The following CNIH1 variants were observed in gnomAD, a reference collection of about 807,000 sequenced individuals.
CNIH1 encodes cornichon family member 1.
In CNIH1, 12 loss-of-function variants were observed where a neutral mutation model predicts 20.2. The ratio of observed to expected loss-of-function variants is 0.59; its 90% CI spans 0.38 to 0.96. The LOEUF (loss-of-function observed/expected upper bound fraction) is 0.96, where lower values mean the gene tolerates loss of function less well. Among genes scored for constraint, CNIH1 ranks in the 40% least tolerant of loss-of-function variants. The probability of loss-of-function intolerance (pLI) is 0.00; values close to 1 mark genes in which losing one functional copy is unlikely to be tolerated. For synonymous variants in CNIH1, 69 were observed against 63.3 expected, an observed-to-expected ratio of 1.09 and a Z score of -0.43; for missense variants, 152 against 178.8, an observed-to-expected ratio of 0.85 and a Z score of 0.85.
In CNIH1 at chr14:54,427,133, A is replaced by C. The variant is rs1315857337; in HGVS notation, c.*681T>G. ...AAAAACACATTTAAAATAGCTTTAA[A>C]TGCATTCTTCACAAGTAATTCAGCA... On this transcript the variant is annotated 3_prime_UTR_variant, in exon 5 of 5. Transcript: ENST00000216416. 3 of 152,224 alleles carry C rather than the reference A, an allele frequency of 2.0e-5. No homozygotes were observed. Among genetic ancestry groups the C allele is most frequent in the Non-Finnish European group, 2.9e-5 (2 of 68,026 alleles). The allele number at this position is 152,224 out of a possible 1,614,324, so 9.4% of individuals were successfully genotyped here.
rs769530671 is a variant in CNIH1, at chr14:54,432,199, T to C, written c.172A>G (p.Ile58Val). ...AACATGACACAGAAGAAAGCGTGGATGAGGTACTCTGGGAGTACAAGCTGG... is the reference window on the plus strand; with the variant it reads ...AACATGACACAGAAGAAAGCGTGGACGAGGTACTCTGGGAGTACAAGCTGG... Reference protein sequence around the residue: ...LNPLVLPEYLIHAFFCVMFLC... With the variant: ...LNPLVLPEYLVHAFFCVMFLC... The change falls in exon 3 of 5, where the codon ATC (isoleucine) becomes GTC (valine). Residue 58 changes from isoleucine to valine, a missense_variant. Physicochemically the swap from Ile to Val is conservative, Grantham distance 29 (BLOSUM62 3). This residue lies in a region of CNIH1 where 97 missense variants were observed against 100.6 expected (regional missense o/e 0.96). Transcript: ENST00000216416. 12 of 1,550,758 alleles carry C rather than the reference T, an allele frequency of 7.7e-6. No individual in the cohort carries two copies. Among genetic ancestry groups the C allele is most frequent in the Non-Finnish European group, 1.0e-5 (12 of 1,146,666 alleles).
chr14:54,436,139 A>G (rs1214079451), intron 2 of CNIH1: 2 of 703,640 alleles, frequency 2.8e-6, no homozygotes, highest in Admixed American at 2.0e-5. Flanking sequence ...TTGGCCGACA[A>G]TGTAAAAAGC....
intron 1 of CNIH1, among the ~76,000 whole-genome samples, chr14:54,437,978 GTTTTTT>G (rs368797544): frequency 1.4e-5 from 2 of 141,794 alleles, no homozygotes; most frequent in Admixed American, 7.1e-5. Context: ...GACTTCAAGG[GTTTTTT>G]TTTTTTTTTT....
Position 54,430,404 on chromosome 14 carries a change from C to A in CNIH1, c.264G>T (p.Arg88Ser), listed in dbSNP as rs1480637137. 3 of 1,612,664 alleles carry A rather than the reference C, an allele frequency of 1.9e-6. No individual in the cohort carries two copies. Among genetic ancestry groups the A allele is most frequent in the Non-Finnish European group, 2.5e-6 (3 of 1,179,432 alleles). The change falls in exon 4 of 5, where the codon AGG becomes AGT. Residue 88 changes from arginine to serine, a missense_variant and splice_region_variant. By Grantham distance (110) the Arg-to-Ser change is moderately radical. Coordinates refer to ENST00000216416, the MANE Select transcript of CNIH1 (RefSeq NM_005776.3). ...CACTCATCACTGGTCTACTCATATA[C>A]CTGGAATAAACACAGTCTATTAGGC... ...NMPLLAYHIW[R>S]YMSRPVMSGP...
At chr14:54,436,496 T>C in intron 1 of CNIH1, 59 bp from the exon 2 acceptor site, 1 of 851,746 alleles carries the variant, frequency 1.2e-6, no homozygotes. Context: ...GCAACAAACC[T>C]GCCCCATCTT....
At chr14:54,428,143 T>G (rs1169901901) in intron 4 of CNIH1, among the ~76,000 whole-genome samples, 2 of 151,920 alleles carry the variant, frequency 1.3e-5, no homozygotes, top group East Asian at 3.9e-4. Flanking sequence ...CACTCTGGAG[T>G]TGTGTCTAAT....
chr14:54,439,734 T>C (rs1198390849), intron 1 of CNIH1, among the ~76,000 whole-genome samples: 1 of 152,010 alleles, frequency 6.6e-6, no homozygotes, highest in Non-Finnish European at 1.5e-5. Context: ...GTATTTTTAG[T>C]AGAGACGGGG....
intron 3 of CNIH1, among the ~76,000 whole-genome samples, chr14:54,431,263 G>A (rs2030937889): frequency 6.6e-6 from 1 of 152,086 alleles, no homozygotes; most frequent in Admixed American, 6.5e-5. Flanking sequence ...AAGTAGCTGA[G>A]TTTATAGGCG....
intron 1 of CNIH1, among the ~76,000 whole-genome samples, chr14:54,438,563 G>A (rs766323748): frequency 1.3e-5 from 2 of 152,070 alleles, no homozygotes; most frequent in Non-Finnish European, 1.5e-5. Context: ...CTATGCTCCC[G>A]ACTCTATTCT....
rs1263676621 is a variant in CNIH1, at chr14:54,441,361, G to C, written c.-34C>G. The C allele has an allele frequency of 1.4e-6, 2 of 1,477,802 alleles. No homozygotes were observed. Among genetic ancestry groups the C allele is most frequent in the Non-Finnish European group, 9.1e-7 (1 of 1,103,630 alleles). 91.5% of individuals were successfully genotyped at this position (1,477,802 alleles called of 1,614,324 possible). Reference sequence around the variant, plus strand: ...AGGAGGAGCGGGGAGCGGCGCCGTTGCCAGCGGAGAAAGGCGGCGCAGGGC... The same window carrying C: ...AGGAGGAGCGGGGAGCGGCGCCGTTCCCAGCGGAGAAAGGCGGCGCAGGGC... On this transcript the variant is annotated 5_prime_UTR_variant, in exon 1 of 5. Transcript: ENST00000216416.
At chr14:54,432,822 G>A (rs976681142) in intron 2 of CNIH1, among the ~76,000 whole-genome samples, 6 of 152,136 alleles carry the variant, frequency 3.9e-5, no homozygotes, top group African/African-American at 1.2e-4. Flanking sequence ...TAAAAGATTC[G>A]CTTTCTGCAA....
intron 4 of CNIH1, among the ~76,000 whole-genome samples, chr14:54,428,571 A>C (rs2030871517): frequency 6.6e-6 from 1 of 152,244 alleles, no homozygotes; most frequent in African/African-American, 2.4e-5. Flanking sequence ...TATCCTGCTG[A>C]ACATTTTCCC....
rs576088801 is a variant in CNIH1 at position 54,423,635 on chromosome 14, G to A, written c.*4179C>T. The A allele has an allele frequency of 5.3e-5, 8 of 152,304 alleles. No individual in the cohort carries two copies. The highest frequency in any genetic ancestry group is 1.0e-4 in the Non-Finnish European group (7 of 68,026). The allele number at this position is 152,304 out of a possible 1,614,324, so 9.4% of individuals were successfully genotyped here. ...GAGTAAGGTAGGGCTACTTAAGGGCGTTTTCTGTGGACAGCGGACACAGCA... is the reference window on the plus strand; with the variant it reads ...GAGTAAGGTAGGGCTACTTAAGGGCATTTTCTGTGGACAGCGGACACAGCA... On this transcript the variant is annotated 3_prime_UTR_variant, in exon 5 of 5. Coordinates refer to ENST00000216416, the MANE Select transcript of CNIH1 (RefSeq NM_005776.3).
intron 1 of CNIH1, among the ~76,000 whole-genome samples, chr14:54,440,293 G>T (rs757266070): frequency 6.6e-6 from 1 of 152,162 alleles, no homozygotes; most frequent in Non-Finnish European, 1.5e-5. Context: ...TGGAATATGG[G>T]GAAAAGAGAA....
Position 54,423,826 on chromosome 14 carries a change from C to T in CNIH1, c.*3988G>A, listed in dbSNP as rs944861583. On this transcript the variant is annotated 3_prime_UTR_variant, in exon 5 of 5. Coordinates refer to ENST00000216416, the MANE Select transcript of CNIH1 (RefSeq NM_005776.3). ...ATGTAAATATTTCGAAAAAGCACTACACAATAAAATGAGACGCAATCCTTA... is the reference window on the plus strand; with the variant it reads ...ATGTAAATATTTCGAAAAAGCACTATACAATAAAATGAGACGCAATCCTTA... 2.6e-5 allele frequency: 4 copies of T among 152,162 alleles called. No homozygotes were observed. Among genetic ancestry groups the T allele is most frequent in the African/African-American group, 7.2e-5 (3 of 41,440 alleles). 9.4% of individuals were successfully genotyped at this position (152,162 alleles called of 1,614,324 possible).
At position 54,427,781 on chromosome 14, in the gene CNIH1, C is replaced by T; in HGVS notation, c.*33G>A. The T allele has an allele frequency of 6.2e-7, 1 of 1,612,518 alleles. No individual in the cohort carries two copies. The highest frequency in any genetic ancestry group is 8.5e-7 in the Non-Finnish European group (1 of 1,179,034). On this transcript the variant is annotated 3_prime_UTR_variant, in exon 5 of 5. Coordinates refer to ENST00000216416, the MANE Select transcript of CNIH1 (RefSeq NM_005776.3). The stretch of plus-strand genomic sequence containing the variant: ...CCTTCATTTGGTGGCTTTTTGCATG[C>T]ACTTAACTGGACCAATTCTTCTGTG...
In CNIH1 at chr14:54,426,544, A is replaced by C. The variant is rs2030830118; in HGVS notation, c.*1270T>G. Reference sequence around the variant, plus strand: ...CCCAAATAAAGCACAAGATTTATTTATGCTTATGAAAACATGCAAGCCATA... The same window carrying C: ...CCCAAATAAAGCACAAGATTTATTTCTGCTTATGAAAACATGCAAGCCATA... On this transcript the variant is annotated 3_prime_UTR_variant, in exon 5 of 5. Transcript: ENST00000216416. The C allele has an allele frequency of 6.6e-6, 1 of 152,214 alleles. No individual in the cohort carries two copies. The highest frequency in any genetic ancestry group is 2.4e-5 in the African/African-American group (1 of 41,458). 9.4% of individuals were successfully genotyped at this position (152,214 alleles called of 1,614,324 possible). A position where few individuals can be genotyped will look rare whatever the true frequency, so the allele number is the denominator to read the frequency against.
intron 4 of CNIH1, 30 bp downstream of exon 4, chr14:54,430,231 A>C: frequency 6.2e-7 from 1 of 1,609,208 alleles, no homozygotes. Flanking sequence ...GCAAAGTGAA[A>C]GCATATTTCA....
At chr14:54,434,111 C>A (rs562837356) in intron 2 of CNIH1, among the ~76,000 whole-genome samples, 14 of 152,224 alleles carry the variant, frequency 9.2e-5, no homozygotes, top group African/African-American at 3.4e-4. Context: ...ATATAATATT[C>A]TCTTGTTAAA....
Sources: gnomAD v4.1 joint callset for allele counts (sites outside exome capture counted in the v4.1 genomes callset) on GRCh38, gnomAD v4.1.1 for gene constraint, gnomAD v4.1.1 regional missense constraint, MANE v1.5 for transcripts, NCBI Gene and HGNC (gene_info 2026-07-23, HGNC 2026-07-21) for gene names.